Variants in CHRM3 observed in about 807,000 individuals in gnomAD.
CHRM3 encodes the protein muscarinic acetylcholine receptor M3.
Under a neutral mutation model 41.8 loss-of-function variants are expected in CHRM3, and 11 were observed. That is an observed-to-expected ratio of 0.26 (90% CI 0.17 to 0.44). CHRM3 has a LOEUF of 0.44. Ranked by LOEUF, CHRM3 falls within the 20% of genes least tolerant of loss-of-function variation. The probability of loss-of-function intolerance (pLI) is 1.00; values close to 1 mark genes in which losing one functional copy is unlikely to be tolerated. For synonymous variants in CHRM3, 297 were observed against 301.4 expected, an observed-to-expected ratio of 0.99 and a Z score of 0.15; for missense variants, 571 against 745.4, an observed-to-expected ratio of 0.77 and a Z score of 2.72.
In CHRM3 at chr1:239,582,980, G is replaced by A. The variant is rs149244562; in HGVS notation, c.-313+37231G>A. ...CCCTGTTGCTCTCCAGCCAGTCTGTGCTCCTCTCAATTACTTGGATGTGAG... is the reference window on the plus strand; with the variant it reads ...CCCTGTTGCTCTCCAGCCAGTCTGTACTCCTCTCAATTACTTGGATGTGAG... On this transcript the variant is annotated intron_variant, in intron 3 of 6. Coordinates refer to ENST00000676153, the MANE Select transcript of CHRM3 (RefSeq NM_001375978.1). 2.0e-3 allele frequency among the ~76,000 whole-genome samples: 300 copies of A among 152,250 alleles called. 1 individual carries two copies. Among genetic ancestry groups the A allele is most frequent in the African/African-American group, 6.9e-3 (288 of 41,568 alleles).
chr1:239,770,219 G>T (rs1022687176), intron 5 of CHRM3, among the ~76,000 whole-genome samples: 1 of 152,136 alleles, frequency 6.6e-6, no homozygotes, highest in Non-Finnish European at 1.5e-5. Context: ...TTCACGGGAC[G>T]TAGGTTTGTG....
At chr1:239,438,937 A>T (rs75860419) in intron 1 of CHRM3, among the ~76,000 whole-genome samples, 3,291 of 152,304 alleles carry the variant, frequency 0.022, 136 homozygotes, top group African/African-American at 0.072. Flanking sequence ...GAAACAAATA[A>T]TATTTAATGT....
At chr1:239,491,248 A>G (rs1457662334) in intron 1 of CHRM3, among the ~76,000 whole-genome samples, 1 of 152,182 alleles carries the variant, frequency 6.6e-6, no homozygotes, top group Non-Finnish European at 1.5e-5. Context: ...AAATTGTTTT[A>G]TTATAGTCAT....
chr1:239,682,599 G>T (rs1403190535), intron 5 of CHRM3, among the ~76,000 whole-genome samples: 1 of 151,562 alleles, frequency 6.6e-6, no homozygotes, highest in African/African-American at 2.4e-5. Flanking sequence ...TAATCAGAGA[G>T]TTTCCGTAAA....
At chr1:239,620,807 A>T (rs1668276720) in intron 3 of CHRM3, among the ~76,000 whole-genome samples, 1 of 152,142 alleles carries the variant, frequency 6.6e-6, no homozygotes, top group African/African-American at 2.4e-5. Context: ...TCTCTCTTAC[A>T]AAGAGAGAGT....
chr1:239,595,642 G>C (rs1190932820), intron 3 of CHRM3, among the ~76,000 whole-genome samples: 1 of 152,068 alleles, frequency 6.6e-6, no homozygotes, highest in Non-Finnish European at 1.5e-5. Context: ...AAGTAATCTT[G>C]GGACAATATT....
Position 239,900,968 on chromosome 1 carries a change from T to C in CHRM3, c.-19-6465T>C, listed in dbSNP as rs111866166. On this transcript the variant is annotated intron_variant, in intron 6 of 6. Coordinates refer to ENST00000676153, the MANE Select transcript of CHRM3 (RefSeq NM_001375978.1). ...CAAACTTAGCAGCTTACAACAAGGT[T>C]CCCTGTTCAGGGTCTCAACACTGAA... is the stretch of plus-strand genomic sequence containing the variant. 8.2e-3 allele frequency among the ~76,000 whole-genome samples: 1,250 copies of C among 152,254 alleles called. 20 individuals carry two copies. The highest frequency in any genetic ancestry group is 0.028 in the African/African-American group (1,171 of 41,548).
chr1:239,684,738 G>GAGAA (rs1380277862), intron 5 of CHRM3, among the ~76,000 whole-genome samples: 1 of 62,352 alleles, frequency 1.6e-5, no homozygotes, highest in Non-Finnish European at 3.4e-5. Flanking sequence ...AAAGGAAAGA[G>GAGAA]AGAAAGAAAG....
rs962147091 is a variant in CHRM3, at chr1:239,880,639, A to C, written c.-19-26794A>C. On this transcript the variant is annotated intron_variant, in intron 6 of 6. Transcript: ENST00000676153. ...CCTGAGTAGCTCGGACTATAGGTGC[A>C]CACCACCATGCCTAGCTAATTATTT... Among the ~76,000 whole-genome samples, 73 of 152,252 alleles carry C rather than the reference A, an allele frequency of 4.8e-4. 1 individual carries two copies. Among genetic ancestry groups the C allele is most frequent in the Admixed American group, 2.6e-3 (40 of 15,296 alleles).
At chr1:239,396,038 T>A (rs1659447105) in intron 1 of CHRM3, among the ~76,000 whole-genome samples, 1 of 152,192 alleles carries the variant, frequency 6.6e-6, no homozygotes, top group African/African-American at 2.4e-5. Flanking sequence ...GGTATCCTCA[T>A]CCTCTGCCAC....
intron 5 of CHRM3, among the ~76,000 whole-genome samples, chr1:239,701,495 G>A (rs1660681767): frequency 6.6e-6 from 1 of 152,256 alleles, no homozygotes; most frequent in South Asian, 2.1e-4. Flanking sequence ...TGACTGTCAA[G>A]TTCTCCTCCT....
At chr1:239,858,035 A>G (rs1675269655) in intron 6 of CHRM3, among the ~76,000 whole-genome samples, 1 of 152,198 alleles carries the variant, frequency 6.6e-6, no homozygotes, top group African/African-American at 2.4e-5. Flanking sequence ...ATGGCTATAA[A>G]TGTGTATGTG....
At chr1:239,526,966 T>C (rs1171232503) in intron 2 of CHRM3, among the ~76,000 whole-genome samples, 2 of 151,860 alleles carry the variant, frequency 1.3e-5, no homozygotes, top group African/African-American at 4.8e-5. Context: ...ATAAAGATAT[T>C]TAAAAAATTA....
At chr1:239,509,242 T>G (rs977004978) in intron 2 of CHRM3, among the ~76,000 whole-genome samples, 1 of 152,248 alleles carries the variant, frequency 6.6e-6, no homozygotes, top group African/African-American at 2.4e-5. Context: ...GTATTTATTC[T>G]TGTTACCCTC....
intron 2 of CHRM3, among the ~76,000 whole-genome samples, chr1:239,505,265 T>C (rs1668493684): frequency 7.1e-6 from 1 of 140,546 alleles, no homozygotes; most frequent in Admixed American, 6.9e-5. Flanking sequence ...CCTGGGATGA[T>C]GATGATGATG....
intron 3 of CHRM3, among the ~76,000 whole-genome samples, chr1:239,553,014 T>C (rs1660015735): frequency 6.6e-6 from 1 of 152,244 alleles, no homozygotes; most frequent in African/African-American, 2.4e-5. Flanking sequence ...AGGGAGTTCC[T>C]AGCCACGTTG....
intron 6 of CHRM3, among the ~76,000 whole-genome samples, chr1:239,841,424 A>G (rs965158293): frequency 6.6e-6 from 1 of 152,148 alleles, no homozygotes; most frequent in African/African-American, 2.4e-5. Flanking sequence ...GTAGAGTTTC[A>G]TTGTGTGCAG....
At chr1:239,422,793 C>G (rs1558212020) in intron 1 of CHRM3, among the ~76,000 whole-genome samples, 1 of 140,678 alleles carries the variant, frequency 7.1e-6, no homozygotes, top group Non-Finnish European at 1.6e-5. Flanking sequence ...GAGACTCTAT[C>G]TTAAAAAAAA....
chr1:239,548,045 A>T (rs2148423734), intron 3 of CHRM3, among the ~76,000 whole-genome samples: 1 of 152,304 alleles, frequency 6.6e-6, no homozygotes, highest in African/African-American at 2.4e-5. Flanking sequence ...TCACAAAGTG[A>T]TGGGGAGTAA....
Sources: allele counts gnomAD v4.1 joint callset (sites outside exome capture counted in the v4.1 genomes callset), GRCh38; gene constraint gnomAD v4.1.1; transcripts MANE v1.5; gene names NCBI Gene and HGNC (gene_info 2026-07-23, HGNC 2026-07-21).